EYS: variants seen among roughly 807,000 people sequenced by gnomAD.
The protein encoded by EYS is EGF-like photoreceptor maintenance factor.
Under a neutral mutation model 282.1 loss-of-function variants are expected in EYS, and 250 were observed. The observed-to-expected ratio is 0.89, with a 90% confidence interval of 0.80 to 0.98. The LOEUF (loss-of-function observed/expected upper bound fraction) is 0.98, where lower values mean the gene tolerates loss of function less well. Ranked by LOEUF, EYS falls within the 50% of genes least tolerant of loss-of-function variation. The pLI is 0.00. For missense variants in EYS, 4,016 were observed against 3,709.0 expected (o/e 1.08, Z -2.15); for synonymous variants, 1,355 against 1,282.9 (o/e 1.06, Z -1.20).
At chr6:64,614,126 T>C (rs1767193831) in intron 24 of EYS, among the ~76,000 whole-genome samples, 1 of 152,092 alleles carries the variant, frequency 6.6e-6, no homozygotes, top group Non-Finnish European at 1.5e-5. Context: ...CAGGGATCTT[T>C]TATAACAACA....
At position 64,066,482 on chromosome 6, in the gene EYS, T is replaced by C. The variant is rs1254446087; in HGVS notation, c.6581A>G (p.Asn2194Ser). ...LNGTILYSNG[N>S]NCGKQFLHLF... ...ATGAAGAAACTGCTTTCCACAATTA[T>C]TCCCATTACCTTTAAGAAAAAAAGA... The change falls in exon 33 of 43, where the codon AAT (asparagine) becomes AGT (serine). Residue 2194 changes from asparagine (N) to serine (S), a missense_variant. Coordinates refer to ENST00000503581, the MANE Select transcript of EYS (RefSeq NM_001142800.2). 7.2e-6 allele frequency: 11 copies of C among 1,534,556 alleles called. No individual in the cohort carries two copies. The highest frequency in any genetic ancestry group is 1.8e-4 in the Middle Eastern group (1 of 5,510).
At chr6:65,613,451 A>C (rs1471818913) in intron 2 of EYS, among the ~76,000 whole-genome samples, 2 of 151,798 alleles carry the variant, frequency 1.3e-5, no homozygotes, top group Non-Finnish European at 3.0e-5. Context: ...TCTGAATTTG[A>C]AGTATAATTT....
At chr6:64,472,444 T>C (rs773338540) in intron 26 of EYS, among the ~76,000 whole-genome samples, 6 of 152,132 alleles carry the variant, frequency 3.9e-5, no homozygotes, top group Non-Finnish European at 7.4e-5. Flanking sequence ...GTTAATAGAT[T>C]TGGGGTGTTT....
intron 1 of EYS, among the ~76,000 whole-genome samples, chr6:65,686,778 C>T (rs1769030773): frequency 6.6e-6 from 1 of 151,844 alleles, no homozygotes; most frequent in Non-Finnish European, 1.5e-5. Flanking sequence ...TAAACAGGAC[C>T]AATGCAAAGG....
chr6:64,290,419 G>T (rs753306645), intron 30 of EYS, among the ~76,000 whole-genome samples: 2 of 152,110 alleles, frequency 1.3e-5, no homozygotes, highest in Admixed American at 1.3e-4. Context: ...CAGTAAGTGT[G>T]TTCAAGGCTA....
chr6:65,376,333 T>G (rs1357182127), intron 8 of EYS, among the ~76,000 whole-genome samples: 1 of 152,104 alleles, frequency 6.6e-6, no homozygotes, highest in Non-Finnish European at 1.5e-5. Context: ...CGCTGAAGGA[T>G]TTTGTGACCA....
intron 28 of EYS, among the ~76,000 whole-genome samples, chr6:64,392,939 AG>A (rs1773209364): frequency 6.6e-6 from 1 of 152,170 alleles, no homozygotes. Flanking sequence ...AAAATGATAA[AG>A]GGGATATCAC....
At chr6:63,853,522 T>C (rs1031190519) in intron 36 of EYS, among the ~76,000 whole-genome samples, 1 of 152,138 alleles carries the variant, frequency 6.6e-6, no homozygotes, top group African/African-American at 2.4e-5. Context: ...TGCTCATAGA[T>C]AGGAAGAATC....
At chr6:64,874,753 T>G (rs1766692703) in intron 19 of EYS, among the ~76,000 whole-genome samples, 1 of 152,080 alleles carries the variant, frequency 6.6e-6, no homozygotes, top group Admixed American at 6.6e-5. Flanking sequence ...AAGCTGGTGA[T>G]TAGAATATTT....
Position 64,821,700 on chromosome 6 carries a change from T to A in EYS, c.3188A>T (p.Tyr1063Phe), listed in dbSNP as rs1764904185. ...HGRCTELINE[Y>F]PCSCDADGTS... is the part of the protein sequence containing the mutation. ...CCCATCTGCATCACATGAACATGGA[T>A]ATTCATTAATAAGTTCTGTGCACCT... Residue 1063 changes from tyrosine to phenylalanine, a missense_variant, in exon 21 of 43, where the codon TAT becomes TTT. Physicochemically the swap from Tyr to Phe is conservative, Grantham distance 22 (BLOSUM62 3). Coordinates refer to ENST00000503581, the MANE Select transcript of EYS (RefSeq NM_001142800.2). 1.3e-6 allele frequency: 2 copies of A among 1,524,422 alleles called. No homozygotes were observed. The highest frequency in any genetic ancestry group is 1.2e-5 in the South Asian group (1 of 82,416). 94.4% of individuals were successfully genotyped at this position (1,524,422 alleles called of 1,614,324 possible).
chr6:64,856,206 G>T (rs925017241), intron 19 of EYS, among the ~76,000 whole-genome samples: 1 of 152,104 alleles, frequency 6.6e-6, no homozygotes, highest in East Asian at 1.9e-4. Flanking sequence ...CAAAATGGTT[G>T]TGCCATTTTG....
At chr6:64,648,483 T>A (rs190299643) in intron 22 of EYS, among the ~76,000 whole-genome samples, 1 of 152,334 alleles carries the variant, frequency 6.6e-6, no homozygotes, top group African/African-American at 2.4e-5. Flanking sequence ...AAATATCATA[T>A]AATTTGGAAA....
rs372156177 is a variant in EYS at position 64,748,166 on chromosome 6, T to C, written c.3443+65212A>G. 1.1e-4 allele frequency among the ~76,000 whole-genome samples: 16 copies of C among 152,352 alleles called. No individual in the cohort carries two copies. The East Asian group carries it at 2.7e-3, about 26-fold the overall frequency. On this transcript the variant is annotated intron_variant, in intron 22 of 42. Transcript: ENST00000503581. ...CAAGAACATTATTCAGGGTAACTTTTGTTCTTGTGCTACATATTTAAAGAC... is the reference window on the plus strand; with the variant it reads ...CAAGAACATTATTCAGGGTAACTTTCGTTCTTGTGCTACATATTTAAAGAC...
chr6:64,373,457 G>A (rs1436334770), intron 29 of EYS, among the ~76,000 whole-genome samples: 1 of 152,176 alleles, frequency 6.6e-6, no homozygotes, highest in East Asian at 1.9e-4. Context: ...TGCTGTCTGT[G>A]TGCTTCATGT....
At chr6:64,457,371 T>A (rs912733081) in intron 26 of EYS, among the ~76,000 whole-genome samples, 2 of 152,034 alleles carry the variant, frequency 1.3e-5, no homozygotes, top group African/African-American at 4.8e-5. Context: ...TATGTGTCTT[T>A]AGGTCCATTT....
At chr6:63,722,855 C>A (rs1237741183) in intron 42 of EYS, among the ~76,000 whole-genome samples, 1 of 152,192 alleles carries the variant, frequency 6.6e-6, no homozygotes, top group Non-Finnish European at 1.5e-5. Context: ...CTCTATAGTT[C>A]TTCACCTATC....
intron 12 of EYS, among the ~76,000 whole-genome samples, chr6:65,129,163 A>G (rs756992229): frequency 2.0e-5 from 3 of 152,058 alleles, no homozygotes; most frequent in Admixed American, 1.3e-4. Context: ...ACAAATATCA[A>G]TTAAAGATGG....
rs1010343310 is a variant in EYS at position 65,600,801 on chromosome 6, G to A, written c.-333+38977C>T. 4.0e-5 allele frequency among the ~76,000 whole-genome samples: 6 copies of A among 151,558 alleles called. No individual in the cohort carries two copies. In the East Asian group the frequency reaches 1.2e-3, roughly 30 times the overall value. On this transcript the variant is annotated intron_variant, in intron 2 of 42. Transcript: ENST00000503581. ...GACAAAGATATATATAGGACACATA[G>A]TAATCAAAACAAAAGTGGCAATTTT...
chr6:65,036,189 A>G (rs9345591), intron 13 of EYS, among the ~76,000 whole-genome samples: 102,021 of 151,290 alleles, frequency 0.67, 34,976 homozygotes, highest in East Asian at 0.86. Context: ...ACCTAAAACC[A>G]TCTGATTTTC....
Sources: gnomAD v4.1 joint callset for allele counts (sites outside exome capture counted in the v4.1 genomes callset) on GRCh38, gnomAD v4.1.1 for gene constraint, MANE v1.5 for transcripts, NCBI Gene and HGNC (gene_info 2026-07-23, HGNC 2026-07-21) for gene names.